IQCE: variants seen among roughly 807,000 people sequenced by gnomAD.
IQCE encodes IQ motif containing E, also known as IQ domain-containing protein E.
IQCE carries 115 observed loss-of-function variants against 96.0 expected under a neutral mutation model. The ratio of observed to expected loss-of-function variants is 1.20; its 90% CI spans 1.03 to 1.40. The LOEUF is 1.40. Ranked by LOEUF, IQCE falls within the 40% of genes most tolerant of loss-of-function variation. The pLI, the probability that IQCE is intolerant of heterozygous loss-of-function variation, is 0.00. For synonymous variants in IQCE, 412 were observed against 371.2 expected (o/e 1.11, Z -1.26); for missense variants, 1,041 against 909.1 (o/e 1.15, Z -1.87).
chr7:2,565,943 T>C (rs1347034883), intron 1 of IQCE, among the ~76,000 whole-genome samples: 1 of 152,256 alleles, frequency 6.6e-6, no homozygotes, highest in African/African-American at 2.4e-5. Context: ...CATGTTATCA[T>C]GCAGCCAGGC....
intron 6 of IQCE, among the ~76,000 whole-genome samples, chr7:2,576,950 G>A (rs1782171660): frequency 6.6e-6 from 1 of 152,178 alleles, no homozygotes; most frequent in African/African-American, 2.4e-5. Context: ...TCGTTTAGGC[G>A]CGCATTCCGT....
At chr7:2,584,345 C>A in intron 11 of IQCE, 60 bp downstream of exon 11, 1 of 1,509,802 alleles carries the variant, frequency 6.6e-7, no homozygotes, top group Non-Finnish European at 9.2e-7. Context: ...GGAAGCTCCT[C>A]TGAGAATGTG....
chr7:2,604,236 C>T (rs772137002), intron 18 of IQCE, among the ~76,000 whole-genome samples: 1 of 152,130 alleles, frequency 6.6e-6, no homozygotes, highest in African/African-American at 2.4e-5. Flanking sequence ...GATCTTCCCA[C>T]CCCAGCCTCC....
chr7:2,601,700 C>G, intron 18 of IQCE: 1 of 464,090 alleles, frequency 2.2e-6, no homozygotes, highest in Non-Finnish European at 3.9e-6. Flanking sequence ...CAGGGATGCA[C>G]CACTGTGCCC....
chr7:2,598,627 C>T lies in IQCE; in HGVS notation c.1603C>T (p.His535Tyr), dbSNP rs779868238. Reference sequence around the variant, plus strand: ...GCAGGCCCAGTGGAAGGTGTACAAGCACAAGGTGAGGCTCCCCGGGGCGAC... The same window carrying T: ...GCAGGCCCAGTGGAAGGTGTACAAGTACAAGGTGAGGCTCCCCGGGGCGAC... The part of the protein sequence containing the change: ...VLQAQWKVYK[H>Y]KKKKAVLDEA... The change falls in exon 17 of 22, where the codon CAC (histidine) becomes TAC (tyrosine). Residue 535 changes from histidine to tyrosine, a missense_variant. His to Tyr is a moderately conservative substitution (Grantham distance 83). Transcript: ENST00000402050. The T allele has an allele frequency of 9.0e-6, 14 of 1,550,252 alleles. No homozygotes were observed. The African/African-American group carries it at 1.8e-4, about 20-fold the overall frequency.
At chr7:2,603,865 T>C (rs550514513) in intron 18 of IQCE, among the ~76,000 whole-genome samples, 1 of 152,170 alleles carries the variant, frequency 6.6e-6, no homozygotes, top group Admixed American at 6.5e-5. Flanking sequence ...CTTGTCATTC[T>C]TCTAACGAGT....
chr7:2,578,376 G>T, intron 7 of IQCE, 21 bp downstream of exon 7: 1 of 1,612,710 alleles, frequency 6.2e-7, no homozygotes, highest in Non-Finnish European at 8.5e-7. Flanking sequence ...GGCGCTTCAC[G>T]GACGGGGCAA....
At chr7:2,590,697 C>G (rs767223148) in intron 14 of IQCE, among the ~76,000 whole-genome samples, 5 of 152,060 alleles carry the variant, frequency 3.3e-5, no homozygotes, top group African/African-American at 9.7e-5. Flanking sequence ...CCCAAGAGTT[C>G]GAGGCTGCAG....
Position 2,598,447 on chromosome 7 carries a change from T to TC in IQCE, c.1441-16dup, listed in dbSNP as rs749899055. 2.6e-5 allele frequency: 41 copies of TC among 1,555,452 alleles called. No homozygotes were observed. In the South Asian group the frequency reaches 4.7e-4, roughly 18 times the overall value. ...TGCCCTGGCTTCATTGTCCTCTTAC[T>TC]CCTTCAATTTCCTGCAGGCCCAAGA... On this transcript the variant is annotated splice_polypyrimidine_tract_variant and intron_variant, in intron 16 of 21. Transcript: ENST00000402050.
chr7:2,574,902 G>A (rs1380888929), intron 6 of IQCE, among the ~76,000 whole-genome samples: 2 of 152,126 alleles, frequency 1.3e-5, no homozygotes, highest in Admixed American at 6.5e-5. Flanking sequence ...TTACTGTCTC[G>A]GTTCAGTTCT....
intron 14 of IQCE, among the ~76,000 whole-genome samples, chr7:2,590,440 T>A (rs1359304560): frequency 6.6e-6 from 1 of 152,206 alleles, no homozygotes; most frequent in Non-Finnish European, 1.5e-5. Context: ...CTGCTTACAT[T>A]TTGGTGGTAA....
chr7:2,578,646 T>C (rs1314805503), intron 8 of IQCE, 120 bp downstream of exon 8: 1 of 1,097,642 alleles, frequency 9.1e-7, no homozygotes, highest in African/African-American at 1.5e-5. Context: ...GGGGGGAGGC[T>C]GCGGACCCCC....
At chr7:2,569,636 G>A (rs36113256) in intron 3 of IQCE, among the ~76,000 whole-genome samples, 3 of 152,172 alleles carry the variant, frequency 2.0e-5, no homozygotes, top group Non-Finnish European at 4.4e-5. Context: ...GACCTTGTGC[G>A]TACGAATGTG....
At position 2,613,438 on chromosome 7, in the gene IQCE, C is replaced by T. The variant is rs1785181884; in HGVS notation, c.*3276C>T. The T allele has an allele frequency of 6.6e-6, 1 of 152,202 alleles. No homozygotes were observed. The highest frequency in any genetic ancestry group is 1.5e-5 in the Non-Finnish European group (1 of 68,030). 9.4% of individuals were successfully genotyped at this position (152,202 alleles called of 1,614,324 possible). A position where few individuals can be genotyped will look rare whatever the true frequency, so the allele number is the denominator to read the frequency against. On this transcript the variant is annotated 3_prime_UTR_variant, in exon 22 of 22. Coordinates refer to ENST00000402050, the MANE Select transcript of IQCE (RefSeq NM_152558.5). The stretch of plus-strand genomic sequence containing the variant: ...GCACAGGGCACAGCTCTTAGGAGGC[C>T]TTTGTAGGACGCTGTCTCCCCAGCG...
rs929368878 is a variant in IQCE, at chr7:2,611,346, C to T, written c.*1184C>T. The T allele has an allele frequency of 6.6e-6, 1 of 152,328 alleles. No individual in the cohort carries two copies. The highest frequency in any genetic ancestry group is 2.4e-5 in the African/African-American group (1 of 41,462). 9.4% of individuals were successfully genotyped at this position (152,328 alleles called of 1,614,324 possible). On this transcript the variant is annotated 3_prime_UTR_variant, in exon 22 of 22. Transcript: ENST00000402050. The stretch of plus-strand genomic sequence containing the variant: ...CAGCCCAGGCCTGGTGTCTGCATTT[C>T]CACAGCACCCCTGTGGGGACTCCTG...
intron 1 of IQCE, among the ~76,000 whole-genome samples, chr7:2,563,375 T>TTGTG (rs143397539): frequency 0.089 from 12,089 of 135,642 alleles, 526 homozygotes; most frequent in Middle Eastern, 0.12. Context: ...TAATTTTTTG[T>TTGTG]TGTGTGTGTG....
chr7:2,564,334 C>A lies in IQCE; in HGVS notation c.37-2782C>A, dbSNP rs564392346. Among the ~76,000 whole-genome samples, 13 of 152,222 alleles carry A rather than the reference C, an allele frequency of 8.5e-5. No homozygotes were observed. The East Asian group carries it at 2.5e-3, about 29-fold the overall frequency. On this transcript the variant is annotated intron_variant, in intron 1 of 21. Coordinates refer to ENST00000402050, the MANE Select transcript of IQCE (RefSeq NM_152558.5). Reference sequence around the variant, plus strand: ...TCCAGGCCAGGCACAGTGACTCACACCTATAGCCCCAGCACTTTGGGAGGC... The same window carrying A: ...TCCAGGCCAGGCACAGTGACTCACAACTATAGCCCCAGCACTTTGGGAGGC...
At chr7:2,580,701 C>G (rs1782598045) in intron 8 of IQCE, among the ~76,000 whole-genome samples, 1 of 152,020 alleles carries the variant, frequency 6.6e-6, no homozygotes, top group East Asian at 1.9e-4. Flanking sequence ...GGACAGAGCA[C>G]CAGGAGGATT....
intron 15 of IQCE, among the ~76,000 whole-genome samples, chr7:2,594,434 T>C (rs1317058560): frequency 1.3e-5 from 2 of 152,376 alleles, no homozygotes; most frequent in South Asian, 2.1e-4. Flanking sequence ...CTGTTCATAC[T>C]GTTTACTAAA....
Sources: allele counts gnomAD v4.1 joint callset (sites outside exome capture counted in the v4.1 genomes callset), GRCh38; gene constraint gnomAD v4.1.1; transcripts MANE v1.5; gene names NCBI Gene and HGNC (gene_info 2026-07-23, HGNC 2026-07-21).